Variants in TMC2 observed in about 807,000 individuals in gnomAD.
The protein encoded by TMC2 is transmembrane channel-like protein 2.
TMC2 carries 102 observed loss-of-function variants against 105.9 expected under a neutral mutation model. That is an observed-to-expected ratio of 0.96 (90% CI 0.82 to 1.14). TMC2 has a LOEUF of 1.14. Ranked by LOEUF, TMC2 falls within the 50% of genes most tolerant of loss-of-function variation. The pLI, the probability that TMC2 is intolerant of heterozygous loss-of-function variation, is 0.00. For synonymous variants in TMC2, 402 were observed against 422.8 expected (o/e 0.95, Z 0.60); for missense variants, 1,093 against 1,134.3 (o/e 0.96, Z 0.52).
At chr20:2,557,821 C>A (rs73606147) in intron 2 of TMC2, among the ~76,000 whole-genome samples, 2,934 of 152,288 alleles carry the variant, frequency 0.019, 33 homozygotes, top group East Asian at 0.047. Flanking sequence ...GCGCCCCCAC[C>A]AAGGCAGTCA....
At chr20:2,567,358 G>A (rs2086071463) in intron 4 of TMC2, among the ~76,000 whole-genome samples, 1 of 152,174 alleles carries the variant, frequency 6.6e-6, no homozygotes, top group African/African-American at 2.4e-5. Flanking sequence ...CCATAGCAAT[G>A]TCAGAGGAGG....
chr20:2,577,271 C>T (rs2086153778), intron 5 of TMC2, among the ~76,000 whole-genome samples: 1 of 151,658 alleles, frequency 6.6e-6, no homozygotes, highest in Admixed American at 6.6e-5. Flanking sequence ...GAACTCATGA[C>T]CTCAAGTGAT....
In TMC2 at chr20:2,592,499, T is replaced by A; in HGVS notation, c.933+91T>A. ...AGTATGAAATAGTGCGTTTAATTATTGAAAAACCATTGCTTTAATAGGATC... is the reference window on the plus strand; with the variant it reads ...AGTATGAAATAGTGCGTTTAATTATAGAAAAACCATTGCTTTAATAGGATC... On this transcript the variant is annotated intron_variant, in intron 8 of 19. Transcript: ENST00000358864. This position sits in a 1 kb window ranked among gnomAD's most constrained non-coding sequence, Gnocchi z 4.9. 1.1e-6 allele frequency: 1 copy of A among 907,896 alleles called. No homozygotes were observed. The highest frequency in any genetic ancestry group is 1.4e-5 in the South Asian group (1 of 72,684). The allele number at this position is 907,896 out of a possible 1,614,324, so 56.2% of individuals were successfully genotyped here. A position where few individuals can be genotyped will look rare whatever the true frequency, so the allele number is the denominator to read the frequency against.
chr20:2,615,785 G>A (rs1049062584), intron 14 of TMC2, among the ~76,000 whole-genome samples: 8 of 152,110 alleles, frequency 5.3e-5, no homozygotes, highest in Admixed American at 3.9e-4. Flanking sequence ...TAATTTCAGG[G>A]TATGTTTCTG....
At chr20:2,602,537 C>T (rs73077206) in intron 11 of TMC2, among the ~76,000 whole-genome samples, 54 of 152,354 alleles carry the variant, frequency 3.5e-4, no homozygotes, top group Non-Finnish European at 6.3e-4. Flanking sequence ...GGATAGCCAC[C>T]TGTGCAACAC....
chr20:2,588,717 G>GTGTGTGTGTGTC (rs1213895827), intron 7 of TMC2, among the ~76,000 whole-genome samples: 8 of 151,682 alleles, frequency 5.3e-5, no homozygotes, highest in Non-Finnish European at 1.0e-4. Context: ...GTGTGTGTGT[G>GTGTGTGTGTGTC]TGTGTCTTGT....
chr20:2,575,406 C>G (rs369121927), intron 5 of TMC2, among the ~76,000 whole-genome samples: 3 of 151,130 alleles, frequency 2.0e-5, no homozygotes, highest in African/African-American at 7.4e-5. Context: ...GGAACAAAGT[C>G]GGAGAATGGC....
intron 17 of TMC2, 90 bp downstream of exon 17, chr20:2,624,486 T>C: frequency 6.9e-7 from 1 of 1,458,912 alleles, no homozygotes; most frequent in East Asian, 2.3e-5. Flanking sequence ...TCTTGCCTTC[T>C]TAGTCTGCAC....
At position 2,618,718 on chromosome 20, in the gene TMC2, A is replaced by T. The variant is rs185176180; in HGVS notation, c.2180+1407A>T. Among the ~76,000 whole-genome samples, 23 of 152,344 alleles carry T rather than the reference A, an allele frequency of 1.5e-4. No homozygotes were observed. The East Asian group carries it at 4.4e-3, about 29-fold the overall frequency. ...CTCTTTCCAAATGCCTGACCTTCTG[A>T]AAACAAAGCCCTCTGCCAACTCCGT... On this transcript the variant is annotated intron_variant, in intron 16 of 19. Coordinates refer to ENST00000358864, the MANE Select transcript of TMC2 (RefSeq NM_080751.3).
At chr20:2,601,838 G>C (rs1012768450) in intron 10 of TMC2, among the ~76,000 whole-genome samples, 3 of 151,858 alleles carry the variant, frequency 2.0e-5, no homozygotes, top group Non-Finnish European at 4.4e-5. Flanking sequence ...TCTCAAAAAA[G>C]AAAAAAAGAG....
intron 7 of TMC2, among the ~76,000 whole-genome samples, chr20:2,588,921 A>G (rs915839370): frequency 1.3e-5 from 2 of 152,102 alleles, no homozygotes; most frequent in East Asian, 1.9e-4. Context: ...CTTCAGTTCT[A>G]TAACTTCCAT....
chr20:2,588,691 TTGTGTGTGTG>T (rs57035040), intron 7 of TMC2, among the ~76,000 whole-genome samples: 1 of 143,476 alleles, frequency 7.0e-6, no homozygotes, highest in African/African-American at 2.7e-5. Flanking sequence ...GCATGTGTCT[TTGTGTGTGTG>T]TGTGTGTGTG....
intron 17 of TMC2, among the ~76,000 whole-genome samples, chr20:2,630,989 C>T (rs2086598831): frequency 1.3e-5 from 2 of 152,044 alleles, no homozygotes; most frequent in Non-Finnish European, 2.9e-5. Context: ...TTCTATATGT[C>T]TTATGTATTT....
At chr20:2,624,089 C>G (rs1402662677) in intron 16 of TMC2, among the ~76,000 whole-genome samples, 182 bp from the exon 17 acceptor site, 2 of 152,220 alleles carry the variant, frequency 1.3e-5, no homozygotes, top group Non-Finnish European at 2.9e-5. Flanking sequence ...GTCACCCTAG[C>G]CAGAATGGCA....
chr20:2,616,112 TCTCG>T lies in TMC2; in HGVS notation c.1873-21_1873-18del. The T allele has an allele frequency of 2.5e-6, 4 of 1,591,320 alleles. No homozygotes were observed. The highest frequency in any genetic ancestry group is 2.2e-5 in the East Asian group (1 of 44,686). On this transcript the variant is annotated intron_variant, in intron 14 of 19. Transcript: ENST00000358864. This position sits in a 1 kb window ranked among gnomAD's most constrained non-coding sequence, Gnocchi z 4.8. ...ACGTGCTTTTTTTTTTCTCTCTCTC[TCTCG>T]CTCCCTCCCTCCCTCTCTAGCCTTC...
chr20:2,579,020 C>A, intron 5 of TMC2, 126 bp from the exon 6 acceptor site: 2 of 655,432 alleles, frequency 3.1e-6, no homozygotes. Flanking sequence ...CTGGGGACTG[C>A]AAGACAGCAG....
intron 7 of TMC2, among the ~76,000 whole-genome samples, chr20:2,582,336 C>G (rs6050327): frequency 0.044 from 6,661 of 152,152 alleles, 489 homozygotes; most frequent in African/African-American, 0.15. Flanking sequence ...AACTTCAGGG[C>G]TCAAGGGTTT....
At chr20:2,637,870 C>A (rs1436584577) in intron 19 of TMC2, among the ~76,000 whole-genome samples, 1 of 152,150 alleles carries the variant, frequency 6.6e-6, no homozygotes, top group African/African-American at 2.4e-5. Context: ...CCGTCATGCA[C>A]CCCTTAATAA....
At position 2,611,870 on chromosome 20, in the gene TMC2, G is replaced by GGATGGA. The variant is rs1568524051; in HGVS notation, c.1594-321_1594-320insGATGGA. Among the ~76,000 whole-genome samples, 262 of 94,912 alleles carry GGATGGA rather than the reference G, an allele frequency of 2.8e-3. 2 individuals carry two copies. The highest frequency in any genetic ancestry group is 9.7e-3 in the African/African-American group (209 of 21,486). The allele number at this position is 94,912 out of a possible 152,430, so 62.3% of individuals were successfully genotyped here. ...GATGGATGGATGGATGGATGGATGG[G>GGATGGA]TGGGTGGGTGGGTGGGTGGATGGAT... On this transcript the variant is annotated intron_variant, in intron 12 of 19. Coordinates refer to ENST00000358864, the MANE Select transcript of TMC2 (RefSeq NM_080751.3).
Sources: gnomAD v4.1 joint callset for allele counts (sites outside exome capture counted in the v4.1 genomes callset) on GRCh38, gnomAD v4.1.1 for gene constraint, Gnocchi (gnomAD v3.1) non-coding constraint, MANE v1.5 for transcripts, NCBI Gene and HGNC (gene_info 2026-07-23, HGNC 2026-07-21) for gene names.